Variants in ARHGAP24 observed in about 807,000 individuals in gnomAD.
ARHGAP24 encodes the protein rho GTPase-activating protein 24.
A neutral mutation model predicts 76.4 loss-of-function variants in ARHGAP24; 50 were observed. The ratio of observed to expected loss-of-function variants is 0.65; its 90% CI spans 0.52 to 0.83. The LOEUF (loss-of-function observed/expected upper bound fraction) is 0.83, where lower values mean the gene tolerates loss of function less well. ARHGAP24 is among the 40% of genes least tolerant of loss of function. The pLI is 0.00. For synonymous variants in ARHGAP24, 345 were observed against 323.3 expected, an observed-to-expected ratio of 1.07 and a Z score of -0.72; for missense variants, 930 against 914.2, an observed-to-expected ratio of 1.02 and a Z score of -0.22.
In ARHGAP24 at chr4:85,635,473, A is replaced by G. The variant is rs1263643755; in HGVS notation, c.180+64752A>G. Among the ~76,000 whole-genome samples, 7 of 151,866 alleles carry G rather than the reference A, an allele frequency of 4.6e-5. No homozygotes were observed. The East Asian group carries it at 1.4e-3, about 29-fold the overall frequency. On this transcript the variant is annotated intron_variant, in intron 2 of 9. Transcript: ENST00000395184. The stretch of plus-strand genomic sequence containing the variant: ...TTATTGTCTCTTTTATTTATTGCTT[A>G]GTTTCTCCTCATTTCACTGAGAAGT...
intron 3 of ARHGAP24, among the ~76,000 whole-genome samples, chr4:85,860,482 G>C (rs1450028673): frequency 6.6e-6 from 1 of 152,044 alleles, no homozygotes; most frequent in Non-Finnish European, 1.5e-5. Context: ...TCACCAGCCT[G>C]GTAGTCTGGA....
At chr4:85,822,279 TTGG>T (rs78935989) in intron 3 of ARHGAP24, among the ~76,000 whole-genome samples, 14,579 of 152,180 alleles carry the variant, frequency 0.096, 810 homozygotes, top group South Asian at 0.19. Flanking sequence ...AATGAGTTTT[TTGG>T]TTTGTTGAAA....
At chr4:85,768,776 GA>G (rs1028642196) in intron 3 of ARHGAP24, among the ~76,000 whole-genome samples, 7 of 148,650 alleles carry the variant, frequency 4.7e-5, no homozygotes, top group East Asian at 2.0e-4. Flanking sequence ...GATTCCATCT[GA>G]AAAAAAAAAT....
At chr4:85,607,410 AAGAG>A (rs1043879675) in intron 2 of ARHGAP24, among the ~76,000 whole-genome samples, 10 of 151,826 alleles carry the variant, frequency 6.6e-5, no homozygotes, top group Non-Finnish European at 1.0e-4. Flanking sequence ...GAAAGAGAGA[AAGAG>A]AGAAAAAGAG....
intron 8 of ARHGAP24, among the ~76,000 whole-genome samples, chr4:85,987,999 C>T (rs1229592503): frequency 6.6e-6 from 1 of 151,652 alleles, no homozygotes; most frequent in African/African-American, 2.4e-5. Context: ...AATTATATAA[C>T]CAAAAGAAGT....
rs369579675 is a variant in ARHGAP24 at position 85,915,304 on chromosome 4, G to T, written c.269-8344G>T. Reference sequence around the variant, plus strand: ...AGTGAAATATAAACTTAGCCTATTTGAGATTTTAAAAGTTTCATAAATCAC... The same window carrying T: ...AGTGAAATATAAACTTAGCCTATTTTAGATTTTAAAAGTTTCATAAATCAC... On this transcript the variant is annotated intron_variant, in intron 3 of 9. Transcript: ENST00000395184. 1.3e-3 allele frequency among the ~76,000 whole-genome samples: 198 copies of T among 152,286 alleles called. 2 individuals are homozygous for T. Among genetic ancestry groups the T allele is most frequent in the Middle Eastern group, 6.8e-3 (2 of 294 alleles).
intron 2 of ARHGAP24, among the ~76,000 whole-genome samples, chr4:85,705,912 T>G (rs1263752514): frequency 1.4e-5 from 2 of 144,512 alleles, no homozygotes; most frequent in African/African-American, 5.4e-5. Flanking sequence ...TTAATTTTCT[T>G]AACAGATGAA....
intron 3 of ARHGAP24, among the ~76,000 whole-genome samples, chr4:85,750,272 A>G (rs935496907): frequency 2.0e-5 from 3 of 152,110 alleles, no homozygotes; most frequent in Admixed American, 2.0e-4. Context: ...GTCTATTTGG[A>G]TAGTGAGATC....
At chr4:85,953,718 A>G (rs1296300505) in intron 5 of ARHGAP24, among the ~76,000 whole-genome samples, 1 of 151,834 alleles carries the variant, frequency 6.6e-6, no homozygotes, top group Non-Finnish European at 1.5e-5. Context: ...ATCTGCACCC[A>G]GCAGAGAGAC....
At chr4:85,984,272 C>A (rs1228278647) in intron 8 of ARHGAP24, among the ~76,000 whole-genome samples, 2 of 152,162 alleles carry the variant, frequency 1.3e-5, no homozygotes, top group East Asian at 3.8e-4. Flanking sequence ...ACTGGAGTTA[C>A]TATAACAAAA....
At chr4:85,998,020 T>C (rs920491997) in intron 9 of ARHGAP24, among the ~76,000 whole-genome samples, 43 of 152,218 alleles carry the variant, frequency 2.8e-4, no homozygotes, top group African/African-American at 9.9e-4. Flanking sequence ...TGGATGATAT[T>C]AATTATTTGG....
At chr4:85,745,875 C>T (rs1389603254) in intron 3 of ARHGAP24, among the ~76,000 whole-genome samples, 1 of 152,114 alleles carries the variant, frequency 6.6e-6, no homozygotes, top group Admixed American at 6.5e-5. Flanking sequence ...ATTCTAATGC[C>T]TAGCCTGGCT....
intron 3 of ARHGAP24, among the ~76,000 whole-genome samples, chr4:85,835,488 G>A (rs1251767837): frequency 6.7e-6 from 1 of 149,386 alleles, no homozygotes; most frequent in African/African-American, 2.5e-5. Context: ...CCCGGGAGGC[G>A]GAGCTTGCAG....
intron 3 of ARHGAP24, among the ~76,000 whole-genome samples, chr4:85,895,000 G>GAAAAAAAAAA (rs1560701790): frequency 2.1e-5 from 1 of 47,990 alleles, no homozygotes; most frequent in African/African-American, 7.6e-5. Context: ...AAAACAAAAA[G>GAAAAAAAAAA]CAAAAAAAAA....
intron 2 of ARHGAP24, among the ~76,000 whole-genome samples, chr4:85,630,720 T>TATAATTTAAAGAATTATTTAAATA (rs1414938952): frequency 1.3e-5 from 2 of 152,034 alleles, no homozygotes; most frequent in Admixed American, 6.6e-5. Flanking sequence ...CATTGTACAT[T>TATAATTTAAAGAATTATTTAAATA]ATAATTTAAA....
At chr4:85,925,546 T>C (rs1286494768) in intron 4 of ARHGAP24, among the ~76,000 whole-genome samples, 3 of 152,226 alleles carry the variant, frequency 2.0e-5, no homozygotes, top group African/African-American at 7.2e-5. Context: ...TACAATGAAA[T>C]ATCTTGAAAG....
At chr4:85,636,233 T>C (rs1721303129) in intron 2 of ARHGAP24, among the ~76,000 whole-genome samples, 1 of 151,864 alleles carries the variant, frequency 6.6e-6, no homozygotes, top group African/African-American at 2.4e-5. Flanking sequence ...CATATTTCTT[T>C]CCTAACTTTG....
chr4:85,548,643 G>T (rs1324309366), intron 1 of ARHGAP24, among the ~76,000 whole-genome samples: 1 of 152,158 alleles, frequency 6.6e-6, no homozygotes, highest in Non-Finnish European at 1.5e-5. Flanking sequence ...CTACTAACTA[G>T]AATTCAACTT....
rs112742871 is a variant in ARHGAP24, at chr4:85,791,681, G to T, written c.268+69709G>T. 3.0e-3 allele frequency among the ~76,000 whole-genome samples: 462 copies of T among 152,284 alleles called. 5 individuals are homozygous for T. Among genetic ancestry groups the T allele is most frequent in the African/African-American group, 0.011 (443 of 41,560 alleles). ...TGGGATCATGGAAGCACATATTGAG[G>T]TGCTTGAGTGACTATGATGAGCTAA... On this transcript the variant is annotated intron_variant, in intron 3 of 9. Transcript: ENST00000395184.
Sources: allele counts gnomAD v4.1 joint callset (sites outside exome capture counted in the v4.1 genomes callset), GRCh38; gene constraint gnomAD v4.1.1; transcripts MANE v1.5; gene names NCBI Gene and HGNC (gene_info 2026-07-23, HGNC 2026-07-21).